CDHR3: variants seen among roughly 807,000 people sequenced by gnomAD.
CDHR3 encodes cadherin related family member 3.
Under a neutral mutation model 86.6 loss-of-function variants are expected in CDHR3, and 79 were observed. The observed-to-expected ratio is 0.91, with a 90% confidence interval of 0.76 to 1.10. The LOEUF (loss-of-function observed/expected upper bound fraction) is 1.10. CDHR3 is among the 50% of genes least tolerant of loss of function. CDHR3 has a pLI of 0.00. For synonymous variants in CDHR3, 421 were observed against 402.4 expected (o/e 1.05, Z -0.55); for missense variants, 1,081 against 1,077.6 (o/e 1.00, Z -0.04).
rs1457835952 is a variant in CDHR3, at chr7:106,001,500, C to T, written c.752C>T (p.Pro251Leu). Residue 251 changes from proline to leucine, a missense_variant, in exon 7 of 19, where the codon CCA becomes CTA. Pro to Leu is a moderately conservative substitution (Grantham distance 98). Transcript: ENST00000317716. ...TACACAGTCCTGGAGGAACTGAGTC[C>T]AGGAACCATCGTGGCCAATATCACA... is the stretch of plus-strand genomic sequence containing the variant. ...RVYTVLEELS[P>L]GTIVANITAE... 2 of 1,614,038 alleles carry T rather than the reference C, an allele frequency of 1.2e-6. No homozygotes were observed. The highest frequency in any genetic ancestry group is 2.7e-5 in the African/African-American group (2 of 75,052).
chr7:105,983,902 T>G lies in CDHR3; in HGVS notation c.416-290T>G, dbSNP rs79654131. 1.8e-3 allele frequency among the ~76,000 whole-genome samples: 275 copies of G among 152,228 alleles called. 6 individuals are homozygous for G. In the East Asian group the frequency reaches 0.051, roughly 28 times the overall value. ...CTTCCCAACTCTCTGCCCTATCACC[T>G]CCTTCTTCCCCCACCTCAAACAGCA... On this transcript the variant is annotated intron_variant, in intron 3 of 18. Coordinates refer to ENST00000317716, the MANE Select transcript of CDHR3 (RefSeq NM_152750.5).
chr7:106,000,279 A>G (rs979016501), intron 6 of CDHR3, among the ~76,000 whole-genome samples: 4 of 152,138 alleles, frequency 2.6e-5, no homozygotes, highest in African/African-American at 9.7e-5. Context: ...TTGTGAATAG[A>G]TGTGGGGGGA....
chr7:105,984,665 T>A (rs1830265783), intron 4 of CDHR3, among the ~76,000 whole-genome samples: 1 of 152,134 alleles, frequency 6.6e-6, no homozygotes, highest in South Asian at 2.1e-4. Context: ...ATTTTAAAAA[T>A]CTAAGCTCAT....
chr7:106,001,398 T>C, intron 6 of CDHR3, 64 bp from the exon 7 acceptor site: 1 of 1,585,708 alleles, frequency 6.3e-7, no homozygotes, highest in South Asian at 1.1e-5. Context: ...AAAATACCAA[T>C]CGCCTAGATG....
At chr7:105,978,470 C>T (rs953150343) in intron 2 of CDHR3, among the ~76,000 whole-genome samples, 1 of 152,260 alleles carries the variant, frequency 6.6e-6, no homozygotes. Context: ...ATTTAACATG[C>T]CTAAAGTGAA....
intron 1 of CDHR3, among the ~76,000 whole-genome samples, chr7:105,963,769 T>G (rs2528890): frequency 0.36 from 54,924 of 151,922 alleles, 10,588 homozygotes; most frequent in East Asian, 0.73. Context: ...AAGTGATCCT[T>G]TGAGGAAAGT....
At chr7:106,014,770 A>T (rs1246424738) in intron 9 of CDHR3, among the ~76,000 whole-genome samples, 4 of 152,238 alleles carry the variant, frequency 2.6e-5, no homozygotes, top group Non-Finnish European at 4.4e-5. Context: ...ACAGATAATA[A>T]GGGGGGACTA....
At chr7:105,975,369 G>T (rs1198680187) in intron 2 of CDHR3, among the ~76,000 whole-genome samples, 1 of 152,208 alleles carries the variant, frequency 6.6e-6, no homozygotes, top group Non-Finnish European at 1.5e-5. Flanking sequence ...TTTCGGTGGA[G>T]TAGTTTGGAT....
chr7:106,024,507 G>A lies in CDHR3; in HGVS notation c.2203G>A (p.Ala735Thr). 1.2e-6 allele frequency: 2 copies of A among 1,614,008 alleles called. No individual in the cohort carries two copies. The highest frequency in any genetic ancestry group is 2.2e-5 in the East Asian group (1 of 44,886). The change falls in exon 15 of 19, where the codon GCC becomes ACC. Residue 735 changes from alanine (A) to threonine (T), a missense_variant. Coordinates refer to ENST00000317716, the MANE Select transcript of CDHR3 (RefSeq NM_152750.5). ...CCTCGTGTACCTGGTCGTCCTATTG[G>A]CCAAAGCCATCCACAGACACTGCCC... ...GLLVYLVVLL[A>T]KAIHRHCPCK...
At chr7:106,017,523 C>T (rs889458896) in intron 11 of CDHR3, among the ~76,000 whole-genome samples, 29 of 151,542 alleles carry the variant, frequency 1.9e-4, no homozygotes, top group African/African-American at 7.0e-4. Flanking sequence ...CGCACCACTG[C>T]ACTCCAGCCT....
At chr7:105,989,216 A>AC (rs1563251166) in intron 4 of CDHR3, among the ~76,000 whole-genome samples, 3 of 144,604 alleles carry the variant, frequency 2.1e-5, no homozygotes, top group African/African-American at 5.2e-5. Flanking sequence ...TTGGGTACCC[A>AC]CCCCCCCACC....
chr7:105,990,268 A>T (rs116950399), intron 4 of CDHR3, among the ~76,000 whole-genome samples: 1 of 152,318 alleles, frequency 6.6e-6, no homozygotes, highest in Non-Finnish European at 1.5e-5. Context: ...CTTCTTAAAA[A>T]CATTCAAGTA....
At chr7:106,003,610 C>T (rs1436553640) in intron 7 of CDHR3, among the ~76,000 whole-genome samples, 2 of 152,172 alleles carry the variant, frequency 1.3e-5, no homozygotes, top group Non-Finnish European at 2.9e-5. Context: ...ACCTAAGCTG[C>T]CTGATTCCTC....
At chr7:105,980,895 C>A in intron 2 of CDHR3, 73 bp from the exon 3 acceptor site, 2 of 1,360,350 alleles carry the variant, frequency 1.5e-6, no homozygotes, top group Admixed American at 2.0e-5. Flanking sequence ...TAGGAATATC[C>A]CTTTGCAAAG....
intron 6 of CDHR3, among the ~76,000 whole-genome samples, chr7:106,000,205 G>C (rs895589006): frequency 2.0e-5 from 3 of 152,240 alleles, no homozygotes; most frequent in African/African-American, 7.2e-5. Context: ...GGGACACTGG[G>C]GTGACCTTAG....
At chr7:105,973,856 G>T (rs974546966) in intron 1 of CDHR3, among the ~76,000 whole-genome samples, 2 of 152,040 alleles carry the variant, frequency 1.3e-5, no homozygotes, top group Admixed American at 6.6e-5. Context: ...AATCACAGCT[G>T]CTTGGGAGGC....
chr7:106,028,214 T>G (rs763509586), intron 16 of CDHR3, among the ~76,000 whole-genome samples: 37 of 151,680 alleles, frequency 2.4e-4, no homozygotes, highest in Non-Finnish European at 4.9e-4. Context: ...AACCCACACC[T>G]TATGAACAGA....
chr7:105,987,624 G>A (rs1232560898), intron 4 of CDHR3, among the ~76,000 whole-genome samples: 1 of 152,152 alleles, frequency 6.6e-6, no homozygotes, highest in African/African-American at 2.4e-5. Context: ...GAGCTTTAAA[G>A]AACACGGATG....
chr7:106,029,475 T>A (rs186952820), intron 17 of CDHR3, among the ~76,000 whole-genome samples: 3 of 151,914 alleles, frequency 2.0e-5, no homozygotes, highest in African/African-American at 7.2e-5. Flanking sequence ...GAGAAATAGT[T>A]TGAAAATTGT....
Sources: allele counts gnomAD v4.1 joint callset (sites outside exome capture counted in the v4.1 genomes callset), GRCh38; gene constraint gnomAD v4.1.1; transcripts MANE v1.5; gene names NCBI Gene and HGNC (gene_info 2026-07-23, HGNC 2026-07-21).